P2RX7: variants seen among roughly 807,000 people sequenced by gnomAD.
P2RX7 encodes purinergic receptor P2X 7.
In P2RX7, 62 loss-of-function variants were observed where a neutral mutation model predicts 71.6. The ratio of observed to expected loss-of-function variants is 0.87; its 90% CI spans 0.71 to 1.07. The LOEUF (loss-of-function observed/expected upper bound fraction) is 1.07. Among genes scored for constraint, P2RX7 ranks in the 50% least tolerant of loss-of-function variants. The probability of loss-of-function intolerance (pLI) is 0.00; values close to 1 mark genes in which losing one functional copy is unlikely to be tolerated. For missense variants in P2RX7, 686 were observed against 748.5 expected (o/e 0.92, Z 0.97); for synonymous variants, 299 against 283.3 (o/e 1.06, Z -0.56).
In P2RX7 at chr12:121,180,429, C is replaced by A; in HGVS notation, c.1264C>A (p.Gln422Lys). 1.3e-6 allele frequency: 2 copies of A among 1,596,164 alleles called. No individual in the cohort carries two copies. The highest frequency in any genetic ancestry group is 8.5e-7 in the Non-Finnish European group (1 of 1,169,640). ...CCAGCAGCTACTAGGGAGAAGTCTG[C>A]AAGATGTCAAGGGCCAAGAAGTCCC... The part of the protein sequence containing the change: ...VNQQLLGRSL[Q>K]DVKGQEVPRP... The change falls in exon 12 of 13, where the codon CAA becomes AAA. Residue 422 changes from glutamine to lysine, a missense_variant. By Grantham distance (53) the Gln-to-Lys change is moderately conservative. Transcript: ENST00000328963.
chr12:121,181,793 C>T (rs1884185861), intron 12 of P2RX7, among the ~76,000 whole-genome samples: 1 of 150,852 alleles, frequency 6.6e-6, no homozygotes, highest in Non-Finnish European at 1.5e-5. Flanking sequence ...GGAGGCAGAG[C>T]TTGCAGTGAG....
At chr12:121,135,440 A>C (rs904430392) in intron 1 of P2RX7, among the ~76,000 whole-genome samples, 1 of 152,056 alleles carries the variant, frequency 6.6e-6, no homozygotes, top group Non-Finnish European at 1.5e-5. Flanking sequence ...CTGACCCTCA[A>C]AGTAACCACG....
In P2RX7 at chr12:121,154,940, C is replaced by A; in HGVS notation, c.281C>A (p.Thr94Asn). The A allele has an allele frequency of 6.2e-7, 1 of 1,614,180 alleles. No homozygotes were observed. The highest frequency in any genetic ancestry group is 1.1e-5 in the South Asian group (1 of 91,082). ...AGTGTCTTTGACACCGCAGACTACA[C>A]CTTCCCTTTGCAGGTGAGCACCTCG... ...VHSVFDTADY[T>N]FPLQGNSFFV... Residue 94 changes from threonine (T) to asparagine (N), a missense_variant, in exon 2 of 13, where the codon ACC becomes AAC. Thr to Asn is a moderately conservative substitution (Grantham distance 65). Transcript: ENST00000328963. The surrounding 1 kb of genome is among the most constrained non-coding windows in gnomAD (Gnocchi z 4.2).
At chr12:121,136,647 CTTTTTTTTT>C (rs66894143) in intron 1 of P2RX7, among the ~76,000 whole-genome samples, 2 of 119,252 alleles carry the variant, frequency 1.7e-5, no homozygotes, top group African/African-American at 6.7e-5. Flanking sequence ...TTCTTTCTTT[CTTTTTTTTT>C]TTTTTTTTTG....
chr12:121,148,188 TTTTATTTA>T lies in P2RX7; in HGVS notation c.126-6561_126-6554del, dbSNP rs10627747. On this transcript the variant is annotated intron_variant, in intron 1 of 12. Coordinates refer to ENST00000328963, the MANE Select transcript of P2RX7 (RefSeq NM_002562.6). ...TGGGAATGACTTGGGCTGGGATCTT[TTTTATTTA>T]TTTATTTATTTATTTATTTATTTAT... is the stretch of plus-strand genomic sequence containing the variant. Among the ~76,000 whole-genome samples, 985 of 140,484 alleles carry T rather than the reference TTTTATTTA, an allele frequency of 7.0e-3. 3 individuals carry two copies. Among genetic ancestry groups the T allele is most frequent in the African/African-American group, 0.021 (795 of 37,248 alleles). 92.2% of individuals were successfully genotyped at this position (140,484 alleles called of 152,430 possible).
intron 1 of P2RX7, among the ~76,000 whole-genome samples, chr12:121,148,188 TTTTATTTATTTATTTA>T (rs10627747): frequency 1.8e-4 from 25 of 140,414 alleles, no homozygotes; most frequent in Admixed American, 7.1e-4. Context: ...CTGGGATCTT[TTTTATTTATTTATTTA>T]TTTATTTATT....
At position 121,177,789 on chromosome 12, in the gene P2RX7, G is replaced by T. The variant is rs531776849; in HGVS notation, c.1188+343G>T. Among the ~76,000 whole-genome samples the T allele has an allele frequency of 4.6e-5, 7 of 151,794 alleles. No homozygotes were observed. In the East Asian group the frequency reaches 1.4e-3, roughly 29 times the overall value. On this transcript the variant is annotated intron_variant, in intron 11 of 12. Coordinates refer to ENST00000328963, the MANE Select transcript of P2RX7 (RefSeq NM_002562.6). The stretch of plus-strand genomic sequence containing the variant: ...GCTGGAGTGCAGAGGCATGATCTCG[G>T]CTCACTGCAGCCTCTGCCTCCCAGG...
chr12:121,148,973 C>T, intron 1 of P2RX7: 1 of 464,868 alleles, frequency 2.2e-6, no homozygotes, highest in Non-Finnish European at 4.2e-6. Context: ...GGAGGCTCAG[C>T]CCTTTGATGT....
At chr12:121,160,202 C>T (rs1000517340) in intron 3 of P2RX7, among the ~76,000 whole-genome samples, 1 of 151,538 alleles carries the variant, frequency 6.6e-6, no homozygotes, top group Non-Finnish European at 1.5e-5. Flanking sequence ...GGCTGGAGTG[C>T]AGTGACGCAA....
At position 121,184,278 on chromosome 12, in the gene P2RX7, A is replaced by G; in HGVS notation, c.1291-27A>G. 1.9e-6 allele frequency: 3 copies of G among 1,558,366 alleles called. No individual in the cohort carries two copies. In the South Asian group the frequency reaches 3.6e-5, roughly 19 times the overall value. ...TAGAACCTGAGGGCTTGTCATGGCTAATAGGTTTGGAAACTTGCTTTTTCA... is the reference window on the plus strand; with the variant it reads ...TAGAACCTGAGGGCTTGTCATGGCTGATAGGTTTGGAAACTTGCTTTTTCA... On this transcript the variant is annotated intron_variant, in intron 12 of 12. Coordinates refer to ENST00000328963, the MANE Select transcript of P2RX7 (RefSeq NM_002562.6).
intron 5 of P2RX7, among the ~76,000 whole-genome samples, chr12:121,163,346 A>ACACACACACG (rs1555226352): frequency 3.9e-5 from 5 of 128,482 alleles, no homozygotes; most frequent in African/African-American, 1.5e-4. Context: ...ACACACACAC[A>ACACACACACG]CACACACACA....
chr12:121,184,875 G>T lies in P2RX7; in HGVS notation c.*73G>T. ...CGAGGCAGGCAGATCACCTGAGGTC[G>T]GGAGTTGGAGACCCGCCTGGCTAAC... On this transcript the variant is annotated 3_prime_UTR_variant, in exon 13 of 13. Transcript: ENST00000328963. The T allele has an allele frequency of 8.2e-7, 1 of 1,218,090 alleles. No homozygotes were observed. The highest frequency in any genetic ancestry group is 1.6e-5 in the South Asian group (1 of 63,978). The allele number at this position is 1,218,090 out of a possible 1,614,324, so 75.5% of individuals were successfully genotyped here. A position where few individuals can be genotyped will look rare whatever the true frequency, so the allele number is the denominator to read the frequency against.
intron 1 of P2RX7, among the ~76,000 whole-genome samples, chr12:121,138,860 T>C (rs1450185288): frequency 6.6e-6 from 1 of 152,244 alleles, no homozygotes; most frequent in Admixed American, 6.5e-5. Flanking sequence ...CAGCTCACCT[T>C]GGTACTTTAC....
Position 121,162,448 on chromosome 12 carries a change from T to C in P2RX7, c.461T>C (p.Val154Ala). Residue 154 changes from valine to alanine, a missense_variant, in exon 5 of 13, where the codon GTG becomes GCG. By Grantham distance (64) the Val-to-Ala change is moderately conservative. Transcript: ENST00000328963. ...SKGIQTGRCV[V>A]YEGNQKTCEV... ...GGAATTCAGACCGGAAGGTGTGTAG[T>C]GTATGAAGGGAACCAGAAGACCTGT... 6.2e-7 allele frequency: 1 copy of C among 1,613,916 alleles called. No individual in the cohort carries two copies. Among genetic ancestry groups the C allele is most frequent in the Non-Finnish European group, 8.5e-7 (1 of 1,179,966 alleles).
rs1388246257 is a variant in P2RX7, at chr12:121,186,885, C to T, written c.*2083C>T. On this transcript the variant is annotated 3_prime_UTR_variant, in exon 13 of 13. Coordinates refer to ENST00000328963, the MANE Select transcript of P2RX7 (RefSeq NM_002562.6). The stretch of plus-strand genomic sequence containing the variant: ...ACTCTGTCTCAAAAAACAACAACAA[C>T]AACAACAAAACAATTCTATGACTGA... 1 of 152,224 alleles carries T rather than the reference C, an allele frequency of 6.6e-6. No homozygotes were observed. Among genetic ancestry groups the T allele is most frequent in the Non-Finnish European group, 1.5e-5 (1 of 68,110 alleles). 9.4% of individuals were successfully genotyped at this position (152,224 alleles called of 1,614,324 possible).
Position 121,154,666 on chromosome 12 carries a change from G to A in P2RX7, c.126-119G>A, listed in dbSNP as rs1014231044. On this transcript the variant is annotated intron_variant, in intron 1 of 12. Transcript: ENST00000328963. The surrounding 1 kb of genome is among the most constrained non-coding windows in gnomAD (Gnocchi z 4.2). ...TCCAGAGAGGGAAAACAAGTCACACGGAAGCAAGTCACGCAGCAGAGCTAG... is the reference window on the plus strand; with the variant it reads ...TCCAGAGAGGGAAAACAAGTCACACAGAAGCAAGTCACGCAGCAGAGCTAG... The A allele has an allele frequency of 2.1e-5, 16 of 745,102 alleles. 1 individual carries two copies. The highest frequency in any genetic ancestry group is 2.3e-4 in the Middle Eastern group (1 of 4,314). 46.2% of individuals were successfully genotyped at this position (745,102 alleles called of 1,614,324 possible).
At chr12:121,161,217 T>G (rs1488662012) in intron 4 of P2RX7, among the ~76,000 whole-genome samples, 1 of 152,168 alleles carries the variant, frequency 6.6e-6, no homozygotes, top group Non-Finnish European at 1.5e-5. Context: ...GGTTCAGGAT[T>G]CTAATCGGTA....
At chr12:121,179,212 C>T (rs572103067) in intron 11 of P2RX7, among the ~76,000 whole-genome samples, 3 of 152,160 alleles carry the variant, frequency 2.0e-5, no homozygotes, top group South Asian at 2.1e-4. Context: ...AAAACAAAGA[C>T]GATTGGCTAG....
At chr12:121,181,538 A>G (rs1285916221) in intron 12 of P2RX7, among the ~76,000 whole-genome samples, 1 of 152,192 alleles carries the variant, frequency 6.6e-6, no homozygotes, top group Non-Finnish European at 1.5e-5. Context: ...CTAGGGCTGA[A>G]TTACCACAAA....
Sources: gnomAD v4.1 joint callset for allele counts (sites outside exome capture counted in the v4.1 genomes callset) on GRCh38, gnomAD v4.1.1 for gene constraint, Gnocchi (gnomAD v3.1) non-coding constraint, MANE v1.5 for transcripts, NCBI Gene and HGNC (gene_info 2026-07-23, HGNC 2026-07-21) for gene names.